The following IFI30 variants were observed in gnomAD, a reference collection of about 807,000 sequenced individuals.
The protein encoded by IFI30 is IFI30 lysosomal thiol reductase.
IFI30 carries 26 observed loss-of-function variants against 30.1 expected under a neutral mutation model. The ratio of observed to expected loss-of-function variants is 0.87; its 90% confidence interval spans 0.63 to 1.20. The LOEUF (loss-of-function observed/expected upper bound fraction) is 1.20. Among genes scored for constraint, IFI30 ranks in the 50% most tolerant of loss-of-function variants. IFI30 has a pLI of 0.00. For synonymous variants in IFI30, 149 were observed against 134.5 expected (o/e 1.11, Z -0.75); for missense variants, 296 against 312.5 (o/e 0.95, Z 0.40).
chr19:18,177,815 T>A (rs1463784957), intron 6 of IFI30, 34 bp from the exon 7 acceptor site: 14 of 1,608,964 alleles, frequency 8.7e-6, no homozygotes, highest in Non-Finnish European at 1.1e-5. Context: ...TAGGGTCTCC[T>A]TCCAGGACCC....
At chr19:18,174,607 C>T in intron 1 of IFI30, 1 of 171,214 alleles carries the variant, frequency 5.8e-6, no homozygotes, top group Non-Finnish European at 1.3e-5. Flanking sequence ...GAGGCGGTGG[C>T]TCATGCCTGT....
chr19:18,177,301 CT>C lies in IFI30; in HGVS notation c.636+14del. Reference sequence around the variant, plus strand: ...GGGTCACCGTCAATGGGGTAAGAATCTTTTTAGCCCTCAGCTTGACACTCAT... The same window carrying C: ...GGGTCACCGTCAATGGGGTAAGAATCTTTTAGCCCTCAGCTTGACACTCAT... On this transcript the variant is annotated intron_variant, in intron 5 of 6. Coordinates refer to ENST00000407280, the MANE Select transcript of IFI30 (RefSeq NM_006332.5). The C allele has an allele frequency of 6.4e-7, 1 of 1,574,270 alleles. No homozygotes were observed. Among genetic ancestry groups the C allele is most frequent in the Non-Finnish European group, 8.6e-7 (1 of 1,159,490 alleles).
chr19:18,175,434 G>A (rs45514694), intron 3 of IFI30, 49 bp downstream of exon 3: 512 of 1,525,198 alleles, frequency 3.4e-4, no homozygotes, highest in Non-Finnish European at 4.2e-4. Flanking sequence ...ACTGTCCCAC[G>A]TACAGGAGGC....
At chr19:18,174,940 C>T (rs1046441224) in intron 1 of IFI30, 100 bp from the exon 2 acceptor site, 9 of 901,674 alleles carry the variant, frequency 1.0e-5, no homozygotes, top group African/African-American at 5.1e-5. Context: ...AGATGAATTG[C>T]GTATCACAGC....
chr19:18,174,918 G>A, intron 1 of IFI30, 122 bp from the exon 2 acceptor site: 1 of 730,990 alleles, frequency 1.4e-6, no homozygotes. Flanking sequence ...GGCAAGTTCT[G>A]GAAGGCGTGC....
chr19:18,177,416 T>G, intron 5 of IFI30, 124 bp downstream of exon 5: 1 of 1,120,184 alleles, frequency 8.9e-7, no homozygotes. Flanking sequence ...ATCATGCCAC[T>G]GCACTCCAGC....
At chr19:18,174,667 T>G in intron 1 of IFI30, 1 of 187,344 alleles carries the variant, frequency 5.3e-6, no homozygotes, top group Non-Finnish European at 1.1e-5. Flanking sequence ...AGGTCAGGAG[T>G]TCGAGACCAT....
At chr19:18,175,786 C>T (rs559403602) in intron 4 of IFI30, 89 bp downstream of exon 4, 2 of 872,704 alleles carry the variant, frequency 2.3e-6, no homozygotes, top group Admixed American at 2.0e-5. Flanking sequence ...AAGTCCTAGC[C>T]CTGACCACTG....
At chr19:18,174,807 T>G (rs1600000750) in intron 1 of IFI30, 1 of 488,520 alleles carries the variant, frequency 2.0e-6, no homozygotes, top group Non-Finnish European at 3.6e-6. Flanking sequence ...GGGAGTCGGG[T>G]GTTGCAGTGA....
chr19:18,174,663 G>A (rs1600000621), intron 1 of IFI30: 1 of 187,162 alleles, frequency 5.3e-6, no homozygotes. Flanking sequence ...CACGAGGTCA[G>A]GAGTTCGAGA....
intron 5 of IFI30, 123 bp downstream of exon 5, chr19:18,177,415 C>G: frequency 8.8e-7 from 1 of 1,131,934 alleles, no homozygotes; most frequent in Non-Finnish European, 1.2e-6. Flanking sequence ...GATCATGCCA[C>G]TGCACTCCAG....
Position 18,177,141 on chromosome 19 carries a change from GC to G in IFI30, c.487del (p.Leu163CysfsTer92). 6.5e-7 allele frequency: 1 copy of G among 1,550,002 alleles called. No individual in the cohort carries two copies. The highest frequency in any genetic ancestry group is 8.7e-7 in the Non-Finnish European group (1 of 1,144,528). On this transcript the variant is annotated frameshift_variant and splice_region_variant, in exon 5 of 7. Coordinates refer to ENST00000407280, the MANE Select transcript of IFI30 (RefSeq NM_006332.5). LOFTEE classifies it high-confidence loss of function. ...ACCCCCTGCTCCCCACCCACCCAGT[GC>G]CTGCAGCTCTACGCCCCAGGGCTGT... Reference protein sequence around the residue: ...FEDMERSLPLCLQLYAPGLSP... With the variant: ...FEDMERSLPLXLQLYAPGLSP...
intron 3 of IFI30, 76 bp from the exon 4 acceptor site, chr19:18,175,529 G>A: frequency 7.0e-7 from 1 of 1,433,316 alleles, no homozygotes; most frequent in Non-Finnish European, 9.6e-7. Context: ...GGTGGGTACT[G>A]GTGATTATTA....
chr19:18,178,063 A>G lies in IFI30; in HGVS notation c.*152A>G, dbSNP rs1967294988. 1.1e-5 allele frequency: 8 copies of G among 713,834 alleles called. No individual in the cohort carries two copies. The highest frequency in any genetic ancestry group is 1.7e-5 in the Non-Finnish European group (7 of 411,818). 44.2% of individuals were successfully genotyped at this position (713,834 alleles called of 1,614,324 possible). A position where few individuals can be genotyped will look rare whatever the true frequency, so the allele number is the denominator to read the frequency against. On this transcript the variant is annotated 3_prime_UTR_variant, in exon 7 of 7. Coordinates refer to ENST00000407280, the MANE Select transcript of IFI30 (RefSeq NM_006332.5). ...CAGATACACAAAATTCCACCCCATG[A>G]TCAAGAATCCTGCTCCACTAAGAAT... is the stretch of plus-strand genomic sequence containing the variant.
chr19:18,175,548 T>G (rs1967259074), intron 3 of IFI30, 57 bp from the exon 4 acceptor site: 3 of 1,488,776 alleles, frequency 2.0e-6, no homozygotes, highest in African/African-American at 1.4e-5. Flanking sequence ...TACGAGAGGG[T>G]GTCAGGGTAC....
chr19:18,175,131 G>T lies in IFI30; in HGVS notation c.224G>T (p.Cys75Phe), dbSNP rs530643296. 21 of 1,612,732 alleles carry T rather than the reference G, an allele frequency of 1.3e-5. No individual in the cohort carries two copies. Among genetic ancestry groups the T allele is most frequent in the Middle Eastern group, 1.7e-4 (1 of 6,060 alleles). ...TLYYEALCGG[C>F]RAFLIRELFP... Reference sequence around the variant, plus strand: ...TACTATGAAGCACTGTGCGGTGGCTGCCGAGCCTTCCTGATCCGGGAGCTC... The same window carrying T: ...TACTATGAAGCACTGTGCGGTGGCTTCCGAGCCTTCCTGATCCGGGAGCTC... The change falls in exon 2 of 7, where the codon TGC becomes TTC. Residue 75 changes from cysteine (C) to phenylalanine (F), a missense_variant. By Grantham distance (205) the Cys-to-Phe change is radical. Transcript: ENST00000407280.
In IFI30 at chr19:18,178,008, A is replaced by G; in HGVS notation, c.*97A>G. ...GACCCTCGGCACCTGCTACTTACCA[A>G]CTGGAAAATTTTATGCATCCCATGA... On this transcript the variant is annotated 3_prime_UTR_variant, in exon 7 of 7. Coordinates refer to ENST00000407280, the MANE Select transcript of IFI30 (RefSeq NM_006332.5). 3 of 1,284,908 alleles carry G rather than the reference A, an allele frequency of 2.3e-6. No individual in the cohort carries two copies. Among genetic ancestry groups the G allele is most frequent in the Non-Finnish European group, 3.3e-6 (3 of 910,360 alleles). 79.6% of individuals were successfully genotyped at this position (1,284,908 alleles called of 1,614,324 possible). A position where few individuals can be genotyped will look rare whatever the true frequency, so the allele number is the denominator to read the frequency against.
rs1453244262 is a variant in IFI30, at chr19:18,177,901, G to C, written c.743G>C (p.Cys248Ser). ...TCAACCAGCTCCCTCAGGAGTGTTT[G>C]CTTCAAGTGATGGCCGGTGAGCTGC... Reference protein sequence around the residue: ...PSSTSSLRSVCFK With the variant: ...PSSTSSLRSVSFK The change falls in exon 7 of 7, where the codon TGC becomes TCC. Residue 248 changes from cysteine (C) to serine (S), a missense_variant. Coordinates refer to ENST00000407280, the MANE Select transcript of IFI30 (RefSeq NM_006332.5). 1 of 1,591,256 alleles carries C rather than the reference G, an allele frequency of 6.3e-7. No individual in the cohort carries two copies. Among genetic ancestry groups the C allele is most frequent in the Non-Finnish European group, 8.6e-7 (1 of 1,168,620 alleles).
At position 18,175,220 on chromosome 19, in the gene IFI30, C is replaced by T. The variant is rs754478446; in HGVS notation, c.313C>T (p.Gln105Ter). ...CACGCTGGTGCCCTACGGAAACGCA[C>T]AGGTGTGTGGGCGCTGGGGAAACTG... Reference protein sequence around the residue: ...NVTLVPYGNAQEQNVSGRWEF... With the variant: ...NVTLVPYGNA Residue 105 changes from glutamine (Q) to a stop codon, truncating the protein, a stop_gained and splice_region_variant, in exon 2 of 7, where the codon CAG (glutamine) becomes TAG (stop). Coordinates refer to ENST00000407280, the MANE Select transcript of IFI30 (RefSeq NM_006332.5). LOFTEE classifies it high-confidence loss of function. 4.9e-5 allele frequency: 78 copies of T among 1,581,828 alleles called. 1 individual carries two copies. The South Asian group carries it at 7.8e-4, about 16-fold the overall frequency.
Sources: gnomAD v4.1 joint callset for allele counts on GRCh38, gnomAD v4.1.1 for gene constraint, MANE v1.5 for transcripts, NCBI Gene and HGNC (gene_info 2026-07-23, HGNC 2026-07-21) for gene names.